COL4A1: variants seen among roughly 807,000 people sequenced by gnomAD.
The protein encoded by COL4A1 is collagen type IV alpha 1 chain, also known as collagen alpha-1(IV) chain.
Under a neutral mutation model 216.6 loss-of-function variants are expected in COL4A1, and 40 were observed. That is an observed-to-expected ratio of 0.18 (90% confidence interval 0.14 to 0.24). The LOEUF is 0.24. COL4A1 is among the 10% of genes least tolerant of loss of function. The pLI is 1.00. For missense variants in COL4A1, 1,628 were observed against 2,196.8 expected, an observed-to-expected ratio of 0.74 and a Z score of 5.18; for synonymous variants, 839 against 810.7, an observed-to-expected ratio of 1.03 and a Z score of -0.59.
chr13:110,299,439 T>C (rs188988142), intron 1 of COL4A1, among the ~76,000 whole-genome samples: 204 of 152,358 alleles, frequency 1.3e-3, no homozygotes, highest in Admixed American at 0.012. Context: ...CTTTGCTGTT[T>C]ATGCTTCTGA....
At chr13:110,306,813 A>G in intron 1 of COL4A1, 131 bp downstream of exon 1, 2 of 777,608 alleles carry the variant, frequency 2.6e-6, no homozygotes, top group South Asian at 5.6e-5. Flanking sequence ...CCCGGCCCAG[A>G]GAATGCACCT....
Position 110,174,475 on chromosome 13 carries a change from T to C in COL4A1, c.3377A>G (p.Asp1126Gly), listed in dbSNP as rs1260595813. ...TTCTCCTTTGACACCAGGGATGCCA[T>C]CCAATCCTGGGAGGCCTTTGTCACC... ...EKGDKGLPGLDGIPGVKGEAG... is the reference protein window; with the variant it reads ...EKGDKGLPGLGGIPGVKGEAG... Residue 1126 changes from aspartate (D) to glycine (G), a missense_variant, in exon 39 of 52, where the codon GAT (aspartate) becomes GGT (glycine). Physicochemically the swap from Asp to Gly is moderately conservative, Grantham distance 94. Transcript: ENST00000375820. The C allele has an allele frequency of 6.2e-7, 1 of 1,613,954 alleles. No individual in the cohort carries two copies.
At position 110,183,271 on chromosome 13, in the gene COL4A1, T is replaced by G. The variant is rs1346999925; in HGVS notation, c.1903A>C (p.Lys635Gln). The G allele has an allele frequency of 6.2e-7, 1 of 1,612,838 alleles. No individual in the cohort carries two copies. Among genetic ancestry groups the G allele is most frequent in the Admixed American group, 1.7e-5 (1 of 59,918 alleles). Residue 635 changes from lysine to glutamine, a missense_variant, in exon 27 of 52, where the codon AAG (lysine) becomes CAG (glutamine). By Grantham distance (53) the Lys-to-Gln change is moderately conservative. Transcript: ENST00000375820. ...GPGSPGLPGP[K>Q]GEPGKIVPLP... ...GGAACAATTTTTCCTGGTTCACCCTTTGGACCTAGAGGAAAAAAAGAGCAA... is the reference window on the plus strand; with the variant it reads ...GGAACAATTTTTCCTGGTTCACCCTGTGGACCTAGAGGAAAAAAAGAGCAA...
chr13:110,203,668 G>A, intron 17 of COL4A1, 61 bp from the exon 18 acceptor site: 1 of 1,574,982 alleles, frequency 6.3e-7, no homozygotes, highest in South Asian at 1.1e-5. Context: ...CTTGCAGAAA[G>A]CAGATTAAAC....
At chr13:110,228,478 A>C (rs1433115050) in intron 2 of COL4A1, among the ~76,000 whole-genome samples, 1 of 152,192 alleles carries the variant, frequency 6.6e-6, no homozygotes, top group African/African-American at 2.4e-5. Context: ...GGCAGGGAGA[A>C]CAGGGAAGCC....
chr13:110,202,467 C>A (rs1471351573), intron 18 of COL4A1, among the ~76,000 whole-genome samples: 1 of 152,028 alleles, frequency 6.6e-6, no homozygotes, highest in Non-Finnish European at 1.5e-5. Flanking sequence ...ACTTAGTCAT[C>A]CCACAAGTTA....
chr13:110,162,507 T>C (rs1877133712), intron 47 of COL4A1, 65 bp from the exon 48 acceptor site: 3 of 1,170,930 alleles, frequency 2.6e-6, no homozygotes, highest in African/African-American at 1.5e-5. Flanking sequence ...GCTTTCAAAA[T>C]CATTTTCTCC....
At chr13:110,169,581 C>T (rs772971333) in intron 43 of COL4A1, 48 bp downstream of exon 43, 5 of 1,610,600 alleles carry the variant, frequency 3.1e-6, no homozygotes, top group Middle Eastern at 1.7e-4. Flanking sequence ...ATACTTCTGG[C>T]CAGAAAAGAC....
At chr13:110,247,186 T>A (rs962208596) in intron 1 of COL4A1, among the ~76,000 whole-genome samples, 5 of 152,154 alleles carry the variant, frequency 3.3e-5, no homozygotes, top group Non-Finnish European at 5.9e-5. Context: ...CCATGTGGCC[T>A]ACAGAGTATA....
At chr13:110,174,094 C>T (rs540593704) in intron 39 of COL4A1, 96 bp from the exon 40 acceptor site, 2 of 1,325,390 alleles carry the variant, frequency 1.5e-6, no homozygotes, top group South Asian at 1.2e-5. Flanking sequence ...TTTAAGGGAG[C>T]TGTTCCCTCC....
chr13:110,206,969 G>T (rs879096705), intron 13 of COL4A1, 78 bp from the exon 14 acceptor site: 13 of 1,160,464 alleles, frequency 1.1e-5, no homozygotes, highest in Middle Eastern at 2.2e-4. Flanking sequence ...ACACACAGCA[G>T]AAAAAAAAAA....
Position 110,213,762 on chromosome 13 carries a change from T to A in COL4A1, c.279+20A>T, listed in dbSNP as rs79359215. On this transcript the variant is annotated intron_variant, in intron 4 of 51. Transcript: ENST00000375820. ...GTCCCACGCATGGAATCATCGATTG[T>A]GAGTAGCAACTGTACTCACTCTTGT... The A allele has an allele frequency of 1.9e-3, 3,029 of 1,613,532 alleles. 39 individuals are homozygous for A. The African/African-American group carries it at 0.034, about 18-fold the overall frequency.
intron 2 of COL4A1, among the ~76,000 whole-genome samples, chr13:110,219,682 A>ATATATGTATATATATG (rs1555307864): frequency 1.5e-5 from 2 of 133,690 alleles, no homozygotes; most frequent in Admixed American, 8.1e-5. Flanking sequence ...ATATATGTGT[A>ATATATGTATATATATG]TATATATGTA....
At position 110,291,256 on chromosome 13, in the gene COL4A1, T is replaced by C. The variant is rs575610455; in HGVS notation, c.84+15688A>G. 2.6e-5 allele frequency among the ~76,000 whole-genome samples: 4 copies of C among 152,332 alleles called. No individual in the cohort carries two copies. The South Asian group carries it at 8.3e-4, about 32-fold the overall frequency. On this transcript the variant is annotated intron_variant, in intron 1 of 51. Coordinates refer to ENST00000375820, the MANE Select transcript of COL4A1 (RefSeq NM_001845.6). ...ATCATCTTCACGTTTTGCACTAAAT[T>C]CATCTAAACTCTTGATCTTGTCTTT...
At position 110,255,078 on chromosome 13, in the gene COL4A1, C is replaced by T. The variant is rs180729426; in HGVS notation, c.85-12344G>A. ...GACAAGCCAGCAGGAGCACACTTCC[C>T]GCGGAGGAGGTCTGTGTGCCAGCAG... On this transcript the variant is annotated intron_variant, in intron 1 of 51. Coordinates refer to ENST00000375820, the MANE Select transcript of COL4A1 (RefSeq NM_001845.6). 5.8e-4 allele frequency among the ~76,000 whole-genome samples: 88 copies of T among 152,334 alleles called. 1 individual carries two copies. The South Asian group carries it at 8.5e-3, about 15-fold the overall frequency.
At chr13:110,184,680 C>CTGTGTGTG (rs35682248) in intron 26 of COL4A1, among the ~76,000 whole-genome samples, 2 of 150,056 alleles carry the variant, frequency 1.3e-5, no homozygotes, top group Admixed American at 6.6e-5. Context: ...AGGAACTGGA[C>CTGTGTGTG]TGTGTGTGTG....
intron 1 of COL4A1, among the ~76,000 whole-genome samples, chr13:110,300,196 T>C (rs908362940): frequency 1.3e-5 from 2 of 152,216 alleles, no homozygotes; most frequent in Non-Finnish European, 2.9e-5. Flanking sequence ...TGTACAACGC[T>C]GAAACAGAGA....
At chr13:110,215,014 T>TA (rs1437471980) in intron 2 of COL4A1, among the ~76,000 whole-genome samples, 3 of 152,300 alleles carry the variant, frequency 2.0e-5, no homozygotes, top group Non-Finnish European at 4.4e-5. Context: ...CTTGGGTAAA[T>TA]AGAGTAACAA....
intron 1 of COL4A1, among the ~76,000 whole-genome samples, chr13:110,247,836 G>GTGTGTGTGTGTGTGT (rs1566411252): frequency 1.0e-4 from 8 of 78,612 alleles, no homozygotes; most frequent in East Asian, 7.4e-4. Flanking sequence ...TGTGTGTGTG[G>GTGTGTGTGTGTGTGT]CAGAGAGAGA....
Sources: gnomAD v4.1 joint callset for allele counts (sites outside exome capture counted in the v4.1 genomes callset) on GRCh38, gnomAD v4.1.1 for gene constraint, MANE v1.5 for transcripts, NCBI Gene and HGNC (gene_info 2026-07-23, HGNC 2026-07-21) for gene names.